The following ANO10 variants were observed in gnomAD, a reference collection of about 807,000 sequenced individuals.
ANO10 encodes the protein anoctamin-10.
Under a neutral mutation model 74.7 loss-of-function variants are expected in ANO10, and 77 were observed. That is an observed-to-expected ratio of 1.03 (90% CI 0.86 to 1.25). The LOEUF is 1.25. ANO10 is among the 50% of genes most tolerant of loss of function. ANO10 has a pLI of 0.00. For missense variants in ANO10, 721 were observed against 778.1 expected, an observed-to-expected ratio of 0.93 and a Z score of 0.87; for synonymous variants, 279 against 284.9, an observed-to-expected ratio of 0.98 and a Z score of 0.21.
chr3:43,396,166 T>C (rs1467074099), intron 12 of ANO10, among the ~76,000 whole-genome samples: 1 of 152,174 alleles, frequency 6.6e-6, no homozygotes, highest in African/African-American at 2.4e-5. Flanking sequence ...TATTGTTCCT[T>C]ATACCAAGGG....
chr3:43,468,320 G>A (rs2075714694), intron 11 of ANO10, among the ~76,000 whole-genome samples: 1 of 152,086 alleles, frequency 6.6e-6, no homozygotes, highest in African/African-American at 2.4e-5. Context: ...TTGACACATG[G>A]GCCCTTGGGA....
chr3:43,538,110 T>A (rs1482343134), intron 11 of ANO10, among the ~76,000 whole-genome samples: 1 of 152,168 alleles, frequency 6.6e-6, no homozygotes, highest in Non-Finnish European at 1.5e-5. Flanking sequence ...TAAAAAATGA[T>A]AGTTAGACCT....
chr3:43,499,753 T>A (rs927520768), intron 11 of ANO10, among the ~76,000 whole-genome samples: 1 of 152,082 alleles, frequency 6.6e-6, no homozygotes, highest in African/African-American at 2.4e-5. Context: ...CTTCTTTAGA[T>A]AGATTTTTTT....
At chr3:43,660,320 T>G (rs1275808573) in intron 1 of ANO10, among the ~76,000 whole-genome samples, 1 of 152,096 alleles carries the variant, frequency 6.6e-6, no homozygotes, top group Non-Finnish European at 1.5e-5. Flanking sequence ...GAGCATGTTC[T>G]AAAACATCAC....
Position 43,555,342 on chromosome 3 carries a change from A to C in ANO10, c.1604T>G (p.Leu535Ter), listed in dbSNP as rs562390589. 1 of 1,614,138 alleles carries C rather than the reference A, an allele frequency of 6.2e-7. No individual in the cohort carries two copies. The highest frequency in any genetic ancestry group is 2.2e-5 in the East Asian group (1 of 44,872). The change falls in exon 10 of 13, where the codon TTA becomes TGA. Residue 535 changes from leucine (L) to a stop codon, truncating the protein, a stop_gained. Coordinates refer to ENST00000292246, the MANE Select transcript of ANO10 (RefSeq NM_018075.5). LOFTEE classifies it high-confidence loss of function. ...NNFTEVNSDA[L>*]KMCRVFKRPF... The stretch of plus-strand genomic sequence containing the variant: ...ACGTTTGAAGACCCTGCACATTTTT[A>C]AGGCATCTGAATTTACTTCAGTGAA...
chr3:43,592,816 G>A (rs925333932), intron 4 of ANO10, among the ~76,000 whole-genome samples: 11 of 152,190 alleles, frequency 7.2e-5, no homozygotes, highest in African/African-American at 2.7e-4. Flanking sequence ...CGAGCTAAAG[G>A]AGGATGTTGG....
chr3:43,391,040 A>G (rs963903424), intron 12 of ANO10, among the ~76,000 whole-genome samples: 11 of 152,220 alleles, frequency 7.2e-5, no homozygotes, highest in African/African-American at 2.7e-4. Context: ...AGATTTACCA[A>G]TGGCTGACAT....
At chr3:43,669,709 T>A (rs2084033852) in intron 1 of ANO10, among the ~76,000 whole-genome samples, 1 of 151,848 alleles carries the variant, frequency 6.6e-6, no homozygotes, top group Non-Finnish European at 1.5e-5. Context: ...CCAGAAGTCT[T>A]TTTAGTTTTT....
chr3:43,431,966 A>G (rs1342315750), intron 12 of ANO10, among the ~76,000 whole-genome samples: 1 of 152,114 alleles, frequency 6.6e-6, no homozygotes, highest in Non-Finnish European at 1.5e-5. Flanking sequence ...GTCCCCTCAG[A>G]TGGCAATGCC....
chr3:43,585,920 CA>C (rs2149432639), intron 4 of ANO10, among the ~76,000 whole-genome samples: 1 of 152,228 alleles, frequency 6.6e-6, no homozygotes, highest in South Asian at 2.1e-4. Context: ...AAATTAAAAA[CA>C]AAAGGAAACA....
chr3:43,506,581 G>T lies in ANO10; in HGVS notation c.1797+43139C>A, dbSNP rs373743103. Among the ~76,000 whole-genome samples, 11 of 152,242 alleles carry T rather than the reference G, an allele frequency of 7.2e-5. No individual in the cohort carries two copies. In the East Asian group the frequency reaches 7.7e-4, roughly 11 times the overall value. On this transcript the variant is annotated intron_variant, in intron 11 of 12. Coordinates refer to ENST00000292246, the MANE Select transcript of ANO10 (RefSeq NM_018075.5). ...CCTAAAAATCCCTGTGTGATCCTCT[G>T]CATCATATTTATGGACTCAAACTCC... is the stretch of plus-strand genomic sequence containing the variant.
intron 1 of ANO10, among the ~76,000 whole-genome samples, chr3:43,687,842 G>A (rs2084294378): frequency 6.6e-6 from 1 of 152,122 alleles, no homozygotes; most frequent in African/African-American, 2.4e-5. Context: ...TGGGGCCCTG[G>A]GGGTATAGGT....
intron 11 of ANO10, among the ~76,000 whole-genome samples, chr3:43,525,139 T>A (rs1302412694): frequency 7.9e-5 from 12 of 152,136 alleles, no homozygotes. Context: ...GGCTCTTAAG[T>A]GAGAAAAAGG....
At chr3:43,630,733 T>C (rs916029796) in intron 1 of ANO10, among the ~76,000 whole-genome samples, 2 of 152,234 alleles carry the variant, frequency 1.3e-5, no homozygotes, top group Non-Finnish European at 2.9e-5. Context: ...GTGACCTCCA[T>C]ATTTAAAATT....
chr3:43,543,864 G>C (rs1398425774), intron 11 of ANO10, among the ~76,000 whole-genome samples: 3 of 152,122 alleles, frequency 2.0e-5, no homozygotes, highest in Non-Finnish European at 4.4e-5. Context: ...GTAATTTCTG[G>C]GATGAGTAGT....
intron 11 of ANO10, among the ~76,000 whole-genome samples, chr3:43,443,412 T>C (rs1324282578): frequency 2.6e-5 from 4 of 152,186 alleles, no homozygotes; most frequent in Admixed American, 6.5e-5. Context: ...GTCTGGACTT[T>C]AGGCAGACAA....
intron 11 of ANO10, among the ~76,000 whole-genome samples, chr3:43,479,984 A>G (rs539178911): frequency 6.6e-6 from 1 of 152,230 alleles, no homozygotes; most frequent in Non-Finnish European, 1.5e-5. Context: ...GAGGAAACAG[A>G]GACAAAGCAG....
At chr3:43,661,196 C>G (rs2083922605) in intron 1 of ANO10, among the ~76,000 whole-genome samples, 1 of 152,210 alleles carries the variant, frequency 6.6e-6, no homozygotes, top group Admixed American at 6.5e-5. Context: ...ATCAGACTAA[C>G]AGCAGATCTC....
chr3:43,487,721 G>T (rs1161882247), intron 11 of ANO10, among the ~76,000 whole-genome samples: 2 of 151,918 alleles, frequency 1.3e-5, no homozygotes, highest in East Asian at 1.9e-4. Flanking sequence ...CTTGCTAGTG[G>T]TCTATCAATT....
Sources: allele counts gnomAD v4.1 joint callset (sites outside exome capture counted in the v4.1 genomes callset), GRCh38; gene constraint gnomAD v4.1.1; transcripts MANE v1.5; gene names NCBI Gene and HGNC (gene_info 2026-07-23, HGNC 2026-07-21).